The following TENM3 variants were observed in gnomAD, a reference collection of about 807,000 sequenced individuals.
TENM3 encodes the protein teneurin transmembrane protein 3, also known as teneurin-3.
TENM3 carries 63 observed loss-of-function variants against 255.1 expected under a neutral mutation model. The observed-to-expected ratio is 0.25, with a 90% CI of 0.20 to 0.30. TENM3 has a LOEUF of 0.30. TENM3 is among the 10% of genes least tolerant of loss of function. The pLI is 1.00. For synonymous variants in TENM3, 1,306 were observed against 1,322.3 expected, an observed-to-expected ratio of 0.99 and a Z score of 0.27; for missense variants, 2,929 against 3,461.1, an observed-to-expected ratio of 0.85 and a Z score of 3.86.
chr4:182,470,867 A>G (rs1733053779), intron 3 of TENM3, among the ~76,000 whole-genome samples: 1 of 152,186 alleles, frequency 6.6e-6, no homozygotes, highest in South Asian at 2.1e-4. Flanking sequence ...ATAGCTCTGA[A>G]ACTTTTCCAT....
chr4:182,483,153 A>G (rs1734361725), intron 3 of TENM3, among the ~76,000 whole-genome samples: 1 of 152,194 alleles, frequency 6.6e-6, no homozygotes, highest in South Asian at 2.1e-4. Flanking sequence ...TGCCAAAAAT[A>G]CAAAATTGTT....
intron 25 of TENM3, among the ~76,000 whole-genome samples, chr4:182,791,033 C>G (rs1043010091): frequency 6.6e-6 from 1 of 152,150 alleles, no homozygotes; most frequent in Non-Finnish European, 1.5e-5. Flanking sequence ...GTGCACTAAG[C>G]CAAAACTTAC....
rs552346108 is a variant in TENM3 at position 182,580,226 on chromosome 4, T to C, written c.512-20698T>C. ...TCTCTTAGTGTGACGCTATTAATAA[T>C]GTAGTGTAATGCTATTTTGGAAGTT... On this transcript the variant is annotated intron_variant, in intron 3 of 27. Coordinates refer to ENST00000511685, the MANE Select transcript of TENM3 (RefSeq NM_001080477.4). Among the ~76,000 whole-genome samples the C allele has an allele frequency of 3.3e-5, 5 of 152,270 alleles. No homozygotes were observed. The South Asian group carries it at 8.3e-4, about 25-fold the overall frequency.
intron 6 of TENM3, among the ~76,000 whole-genome samples, chr4:182,656,085 A>G (rs1047126917): frequency 6.6e-6 from 1 of 152,172 alleles, no homozygotes; most frequent in African/African-American, 2.4e-5. Flanking sequence ...TCAGTTTTAT[A>G]CAGTTCTGTG....
At chr4:182,009,945 G>A in the TENM3 span, among the ~76,000 whole-genome samples, 6 of 152,276 alleles carry the variant, frequency 3.9e-5, no homozygotes, top group East Asian at 9.7e-4. Flanking sequence ...CTGGGGGGAG[G>A]GGGTTCCCCT....
the TENM3 span, among the ~76,000 whole-genome samples, chr4:181,511,012 G>T: frequency 1.3e-5 from 2 of 152,134 alleles, no homozygotes; most frequent in African/African-American, 4.8e-5. Context: ...CATTTACTTT[G>T]GGGGGAGGGT....
intron 4 of TENM3, among the ~76,000 whole-genome samples, chr4:182,611,341 A>G (rs6552579): frequency 0.28 from 42,510 of 151,530 alleles, 6,137 homozygotes; most frequent in African/African-American, 0.33. Context: ...ACAATTTTAC[A>G]GAATTTTATT....
At chr4:181,520,202 C>T in the TENM3 span, among the ~76,000 whole-genome samples, 1 of 152,176 alleles carries the variant, frequency 6.6e-6, no homozygotes, top group Non-Finnish European at 1.5e-5. Context: ...CACTTGTAAA[C>T]AGCCTTATCA....
the TENM3 span, among the ~76,000 whole-genome samples, chr4:182,000,636 A>G: frequency 2.2e-4 from 34 of 152,198 alleles, no homozygotes; most frequent in Non-Finnish European, 4.4e-4. Context: ...GGCCACCCTT[A>G]AAATGTTTAA....
intron 1 of TENM3, among the ~76,000 whole-genome samples, chr4:182,292,502 C>T (rs1432743009): frequency 6.6e-6 from 1 of 152,162 alleles, no homozygotes; most frequent in Non-Finnish European, 1.5e-5. Flanking sequence ...GTTTCTGTGA[C>T]TGCTATCTAT....
the TENM3 span, among the ~76,000 whole-genome samples, chr4:181,591,756 C>T: frequency 6.6e-6 from 1 of 152,126 alleles, no homozygotes; most frequent in African/African-American, 2.4e-5. Flanking sequence ...TAATCTAAGG[C>T]CTGATGAAAC....
chr4:181,600,664 ATTCT>A, the TENM3 span, among the ~76,000 whole-genome samples: 2 of 148,740 alleles, frequency 1.3e-5, 1 homozygote, highest in Non-Finnish European at 3.0e-5. Flanking sequence ...GGTGGGAGCC[ATTCT>A]TTCTTTGATA....
intron 3 of TENM3, among the ~76,000 whole-genome samples, chr4:182,494,964 T>G (rs934039943): frequency 2.0e-5 from 3 of 152,190 alleles, no homozygotes; most frequent in Non-Finnish European, 4.4e-5. Context: ...TAGCACCAAG[T>G]GGTACCAAGT....
chr4:182,197,908 C>G (rs1313455008), intron 1 of TENM3, among the ~76,000 whole-genome samples: 1 of 152,172 alleles, frequency 6.6e-6, no homozygotes, highest in Non-Finnish European at 1.5e-5. Context: ...AGTTTGAGAC[C>G]AGGCTCGCCA....
chr4:182,039,467 G>T, the TENM3 span, among the ~76,000 whole-genome samples: 1 of 152,154 alleles, frequency 6.6e-6, no homozygotes, highest in African/African-American at 2.4e-5. Context: ...GTACACAGCA[G>T]CCAGTCTGAA....
intron 22 of TENM3, among the ~76,000 whole-genome samples, chr4:182,768,005 C>T (rs966903635): frequency 3.3e-5 from 5 of 152,110 alleles, no homozygotes; most frequent in Non-Finnish European, 5.9e-5. Context: ...AGGGCATTGC[C>T]GCCAGTATAT....
the TENM3 span, among the ~76,000 whole-genome samples, chr4:181,834,705 A>G: frequency 6.6e-6 from 1 of 152,344 alleles, no homozygotes; most frequent in Admixed American, 6.5e-5. Flanking sequence ...ATGGAAAGTC[A>G]GGCACGTGTT....
chr4:181,717,004 A>C, the TENM3 span, among the ~76,000 whole-genome samples: 2 of 152,168 alleles, frequency 1.3e-5, no homozygotes, highest in African/African-American at 4.8e-5. Flanking sequence ...AGAATGTACT[A>C]GTCTTTTAGC....
chr4:181,679,390 T>C, the TENM3 span, among the ~76,000 whole-genome samples: 66,314 of 145,430 alleles, frequency 0.46, 16,962 homozygotes, highest in Admixed American at 0.58. Context: ...TTAAGTTTTT[T>C]TCCTTATCAT....
Sources: gnomAD v4.1 joint callset for allele counts (sites outside exome capture counted in the v4.1 genomes callset) on GRCh38, gnomAD v4.1.1 for gene constraint, MANE v1.5 for transcripts, NCBI Gene and HGNC (gene_info 2026-07-23, HGNC 2026-07-21) for gene names.